Variants in PPAT observed in about 807,000 individuals in gnomAD.
The protein encoded by PPAT is amidophosphoribosyltransferase.
PPAT carries 20 observed loss-of-function variants against 60.2 expected under a neutral mutation model. That is an observed-to-expected ratio of 0.33 (90% CI 0.23 to 0.48). PPAT has a LOEUF of 0.48. Ranked by LOEUF, PPAT falls within the 20% of genes least tolerant of loss-of-function variation. The pLI is 0.99. For missense variants in PPAT, 349 were observed against 629.6 expected, an observed-to-expected ratio of 0.55 and a Z score of 4.77; for synonymous variants, 194 against 215.1, an observed-to-expected ratio of 0.90 and a Z score of 0.86.
chr4:56,406,156 G>C (rs1051958971), intron 3 of PPAT, among the ~76,000 whole-genome samples: 3 of 152,148 alleles, frequency 2.0e-5, no homozygotes, highest in Non-Finnish European at 2.9e-5. Flanking sequence ...TCTCATACAA[G>C]CTTTGAACAT....
intron 1 of PPAT, chr4:56,410,702 T>C: frequency 1.0e-6 from 1 of 986,394 alleles, no homozygotes; most frequent in South Asian, 4.7e-5. Context: ...CTGGGCTAAG[T>C]ACAAAAATCT....
intron 1 of PPAT, among the ~76,000 whole-genome samples, chr4:56,417,777 G>A (rs903871941): frequency 4.0e-5 from 6 of 150,608 alleles, no homozygotes; most frequent in African/African-American, 1.5e-4. Flanking sequence ...CAGAGTCTAC[G>A]AAAAGAAAAA....
In PPAT at chr4:56,399,363, C is replaced by T. The variant is rs750597436; in HGVS notation, c.1052G>A (p.Arg351Gln). ...CTGAATGAAGGTTCTCCCTACATAC[C>T]GGTTTTTACACAGCACCTCCACATA... ...LPYVEVLCKNRYVGRTFIQPN... is the reference protein window; with the variant it reads ...LPYVEVLCKNQYVGRTFIQPN... Residue 351 changes from arginine to glutamine, a missense_variant, in exon 9 of 11, where the codon CGG (arginine) becomes CAG (glutamine). This residue lies in a region of PPAT where 167 missense variants were observed against 328.6 expected (regional missense o/e 0.51). Coordinates refer to ENST00000264220, the MANE Select transcript of PPAT (RefSeq NM_002703.5). The T allele has an allele frequency of 7.4e-6, 12 of 1,613,868 alleles. No individual in the cohort carries two copies. The highest frequency in any genetic ancestry group is 1.7e-4 in the Middle Eastern group (1 of 6,060).
At chr4:56,403,976 T>C (rs960860210) in intron 3 of PPAT, 3 of 420,482 alleles carry the variant, frequency 7.1e-6, no homozygotes, top group Non-Finnish European at 1.4e-5. Flanking sequence ...GAAGTTTCAC[T>C]TACCACTCAC....
chr4:56,410,978 A>ACAAAAGAAAAGTACTCTTGTTTTTCTTTT, intron 1 of PPAT: 1 of 926,228 alleles, frequency 1.1e-6, no homozygotes, highest in Non-Finnish European at 1.3e-6. Flanking sequence ...GAACTGTAAA[A>ACAAAAGAAAAGTACTCTTGTTTTTCTTTT]GTTCAGGACT....
At position 56,403,050 on chromosome 4, in the gene PPAT, T is replaced by G. The variant is rs148350001; in HGVS notation, c.651A>C (p.Ile217=). The change falls in exon 5 of 11, where the codon ATA becomes ATC. Residue 217 remains isoleucine (I), a synonymous_variant. Transcript: ENST00000264220. ...CIGRLIPVSD[I]NDKEKKTSET... ...TCTAAAGTTTATTACCTTTGTCATT[T>G]ATATCAGACACTGGAATAAGACGAC... 6.2e-7 allele frequency: 1 copy of G among 1,603,880 alleles called. No homozygotes were observed. Among genetic ancestry groups the G allele is most frequent in the Non-Finnish European group, 8.5e-7 (1 of 1,176,502 alleles).
chr4:56,406,503 T>TTAATCGAGCAGCATTTACC lies in PPAT; in HGVS notation c.375_393dup (p.Arg132GlyfsTer22). 6.2e-7 allele frequency: 1 copy of TTAATCGAGCAGCATTTACC among 1,611,550 alleles called. No homozygotes were observed. Among genetic ancestry groups the TTAATCGAGCAGCATTTACC allele is most frequent in the Non-Finnish European group, 8.5e-7 (1 of 1,179,328 alleles). ...CAAACAAACAAACGTACCTTTTTCC[T>TTAATCGAGCAGCATTTACC]TAATCGAGCAGCATTTACCAATTCG... On this transcript the variant is annotated frameshift_variant, in exon 3 of 11. Transcript: ENST00000264220. LOFTEE classifies it high-confidence loss of function.
chr4:56,433,166 T>A (rs1717692827), intron 1 of PPAT, among the ~76,000 whole-genome samples: 1 of 151,966 alleles, frequency 6.6e-6, no homozygotes, highest in Admixed American at 6.5e-5. Flanking sequence ...TTAGCTCATG[T>A]AAAATTTTGA....
In PPAT at chr4:56,400,898, A is replaced by G. The variant is rs776928042; in HGVS notation, c.900T>C (p.Tyr300=). 5.6e-6 allele frequency: 9 copies of G among 1,612,066 alleles called. No individual in the cohort carries two copies. The highest frequency in any genetic ancestry group is 1.6e-4 in the Middle Eastern group (1 of 6,082). Residue 300 remains tyrosine (Y), a synonymous_variant, in exon 8 of 11, where the codon TAT becomes TAC. Coordinates refer to ENST00000264220, the MANE Select transcript of PPAT (RefSeq NM_002703.5). ...GCTGGCCACAACGGTATCTTACTGT[A>G]TAAACCATTTGGTCTGGTGTGTTTG... ...PDSMFEDQMV[Y]TVRYRCGQQL...
intron 1 of PPAT, chr4:56,410,904 A>T (rs1423588941): frequency 1.9e-4 from 30 of 161,214 alleles, no homozygotes; most frequent in Non-Finnish European, 2.5e-4. Context: ...GAAGGTAAAA[A>T]AAAAAAAAAA....
chr4:56,427,662 T>G (rs942001526), intron 1 of PPAT, among the ~76,000 whole-genome samples: 8 of 148,720 alleles, frequency 5.4e-5, no homozygotes, highest in African/African-American at 1.7e-4. Context: ...AAAAAAAAAT[T>G]CATAAGGCTG....
intron 1 of PPAT, among the ~76,000 whole-genome samples, chr4:56,426,227 C>T (rs1427595611): frequency 1.3e-5 from 2 of 152,040 alleles, no homozygotes; most frequent in Non-Finnish European, 2.9e-5. Flanking sequence ...ATGGTGAAAC[C>T]CCATCTCTAC....
At chr4:56,421,518 G>A (rs1175230505) in intron 1 of PPAT, 1 of 152,170 alleles carries the variant, frequency 6.6e-6, no homozygotes, top group Non-Finnish European at 1.5e-5. Flanking sequence ...TCCAAAATTG[G>A]GGGGTGTGGA....
At chr4:56,420,044 G>A in intron 1 of PPAT, 1 of 971,744 alleles carries the variant, frequency 1.0e-6, no homozygotes, top group Non-Finnish European at 1.2e-6. Context: ...GAGAGGACCA[G>A]ACAGGTAGGA....
intron 3 of PPAT, 84 bp downstream of exon 3, chr4:56,406,411 C>A: frequency 7.1e-7 from 1 of 1,405,740 alleles, no homozygotes. Context: ...TAGAAAATGC[C>A]CTTTACAAAG....
chr4:56,398,498 T>C (rs549877245), intron 9 of PPAT, among the ~76,000 whole-genome samples: 1 of 152,122 alleles, frequency 6.6e-6, no homozygotes, highest in African/African-American at 2.4e-5. Context: ...TTTTTGACTT[T>C]TTTTTTTTTG....
chr4:56,400,576 T>C (rs1173183894), intron 8 of PPAT: 3 of 464,050 alleles, frequency 6.5e-6, no homozygotes, highest in Admixed American at 6.8e-5. Flanking sequence ...CGTTTTTTTC[T>C]TTTCAGTGAA....
intron 1 of PPAT, among the ~76,000 whole-genome samples, chr4:56,417,776 C>T (rs746143733): frequency 2.0e-5 from 3 of 150,286 alleles, no homozygotes; most frequent in Non-Finnish European, 4.4e-5. Context: ...ACAGAGTCTA[C>T]GAAAAGAAAA....
intron 1 of PPAT, among the ~76,000 whole-genome samples, chr4:56,425,680 T>A (rs533761651): frequency 7.9e-5 from 12 of 152,290 alleles, no homozygotes; most frequent in African/African-American, 2.6e-4. Flanking sequence ...CTAGGTGGGT[T>A]CCCAGATAGC....
Sources: allele counts gnomAD v4.1 joint callset (sites outside exome capture counted in the v4.1 genomes callset), GRCh38; gene constraint gnomAD v4.1.1; regional missense constraint gnomAD v4.1.1; transcripts MANE v1.5; gene names NCBI Gene and HGNC (gene_info 2026-07-23, HGNC 2026-07-21).